The following DNAH11 variants were observed in gnomAD, a reference collection of about 807,000 sequenced individuals.
DNAH11 encodes dynein axonemal heavy chain 11, also known as axonemal beta dynein heavy chain 11.
Under a neutral mutation model 526.0 loss-of-function variants are expected in DNAH11, and 442 were observed. The observed-to-expected ratio is 0.84, with a 90% CI of 0.78 to 0.91. The LOEUF is 0.91. Among genes scored for constraint, DNAH11 ranks in the 40% least tolerant of loss-of-function variants. The probability of loss-of-function intolerance (pLI) is 0.00; values close to 1 mark genes in which losing one functional copy is unlikely to be tolerated. For missense variants in DNAH11, 6,989 were observed against 5,448.7 expected (o/e 1.28, Z -8.90); for synonymous variants, 2,461 against 1,935.9 (o/e 1.27, Z -7.12).
Position 21,787,459 on chromosome 7 carries a change from G to A in DNAH11, c.9800G>A (p.Cys3267Tyr), listed in dbSNP as rs750000994. 2 of 1,613,704 alleles carry A rather than the reference G, an allele frequency of 1.2e-6. No homozygotes were observed. The highest frequency in any genetic ancestry group is 2.2e-5 in the East Asian group (1 of 44,846). The stretch of plus-strand genomic sequence containing the variant: ...GACAAAGAGCACATTCCAGAGAACT[G>A]TCTAAAAGTGGTGAATGAACACTAT... ...NYDKEHIPENCLKVVNEHYLK... is the reference protein window; with the variant it reads ...NYDKEHIPENYLKVVNEHYLK... Residue 3267 changes from cysteine to tyrosine, a missense_variant, in exon 60 of 82, where the codon TGT becomes TAT. Physicochemically the swap from Cys to Tyr is radical, Grantham distance 194. Transcript: ENST00000409508.
intron 62 of DNAH11, among the ~76,000 whole-genome samples, chr7:21,806,523 A>G (rs1275078026): frequency 1.3e-5 from 2 of 152,238 alleles, no homozygotes; most frequent in South Asian, 2.1e-4. Context: ...TAATTTCATG[A>G]CCTCCGACCT....
At chr7:21,797,034 T>A (rs1307186237) in intron 61 of DNAH11, among the ~76,000 whole-genome samples, 1 of 151,888 alleles carries the variant, frequency 6.6e-6, no homozygotes, top group Non-Finnish European at 1.5e-5. Flanking sequence ...TTAAAATAGA[T>A]GAAGGAGAGA....
At chr7:21,612,554 C>CAAAAAA (rs34356379) in intron 20 of DNAH11, among the ~76,000 whole-genome samples, 1,348 of 81,102 alleles carry the variant, frequency 0.017, 46 homozygotes, top group Non-Finnish European at 0.025. Flanking sequence ...GGCTCCGTCT[C>CAAAAAA]AAAAAAAAAA....
chr7:21,878,939 T>C (rs115916552), intron 74 of DNAH11, among the ~76,000 whole-genome samples: 205 of 152,374 alleles, frequency 1.3e-3, no homozygotes, highest in African/African-American at 4.7e-3. Context: ...GGGCAGATTT[T>C]GGCCTCTTCC....
At chr7:21,692,265 G>T (rs923476746) in intron 35 of DNAH11, among the ~76,000 whole-genome samples, 1 of 152,186 alleles carries the variant, frequency 6.6e-6, no homozygotes, top group Non-Finnish European at 1.5e-5. Flanking sequence ...CAAGTGTACA[G>T]TTGGTGAAAG....
At chr7:21,638,250 C>T (rs73682658) in intron 27 of DNAH11, among the ~76,000 whole-genome samples, 4,939 of 152,128 alleles carry the variant, frequency 0.032, 267 homozygotes, top group African/African-American at 0.11. Context: ...TGTGGAAGTG[C>T]GATCCTTTTT....
Position 21,637,614 on chromosome 7 carries a change from T to C in DNAH11, c.4729T>C (p.Leu1577=). The change falls in exon 27 of 82, where the codon TTA becomes CTA. Residue 1577 remains leucine (L), a synonymous_variant. Transcript: ENST00000409508. ...CCCGTATTGTACTTTCATGCAGGAGTTAATGTTCAAGACAGCCAAAGTAGA... is the reference window on the plus strand; with the variant it reads ...CCCGTATTGTACTTTCATGCAGGAGCTAATGTTCAAGACAGCCAAAGTAGA... ...FDGVDAEFKE[L]MFKTAKVENV... 6.3e-7 allele frequency: 1 copy of C among 1,578,472 alleles called. No individual in the cohort carries two copies. Among genetic ancestry groups the C allele is most frequent in the Non-Finnish European group, 8.6e-7 (1 of 1,159,480 alleles).
intron 30 of DNAH11, among the ~76,000 whole-genome samples, chr7:21,675,468 T>A (rs1010309980): frequency 6.6e-6 from 1 of 152,238 alleles, no homozygotes; most frequent in Non-Finnish European, 1.5e-5. Context: ...CTAATCCCTA[T>A]ATCAGGCAAG....
At chr7:21,674,799 A>G (rs1397391194) in intron 30 of DNAH11, among the ~76,000 whole-genome samples, 1 of 152,058 alleles carries the variant, frequency 6.6e-6, no homozygotes, top group Non-Finnish European at 1.5e-5. Flanking sequence ...CACCCAATCT[A>G]AAAGATCCAG....
In DNAH11 at chr7:21,818,478, G is replaced by C. The variant is rs183834750; in HGVS notation, c.10691+139G>C. On this transcript the variant is annotated intron_variant, in intron 65 of 81. Transcript: ENST00000409508. ...TCCATTTCATGCACCTACACTCCAA[G>C]ACCAAAGCAACTGCAACATTATCCA... 9.2e-4 allele frequency: 772 copies of C among 840,912 alleles called. 1 individual carries two copies. In the Middle Eastern group the frequency reaches 0.011, roughly 11 times the overall value. The allele number at this position is 840,912 out of a possible 1,614,324, so 52.1% of individuals were successfully genotyped here.
Position 21,616,028 on chromosome 7 carries a change from G to A in DNAH11, c.4012-181G>A, listed in dbSNP as rs553253246. On this transcript the variant is annotated intron_variant, in intron 21 of 81. Coordinates refer to ENST00000409508, the MANE Select transcript of DNAH11 (RefSeq NM_001277115.2). Reference sequence around the variant, plus strand: ...ATAATGTTTTAGCCTTTAGCTTGACGTGTTCTGACAACTTTTTTGTTTTGG... The same window carrying A: ...ATAATGTTTTAGCCTTTAGCTTGACATGTTCTGACAACTTTTTTGTTTTGG... Among the ~76,000 whole-genome samples the A allele has an allele frequency of 4.6e-5, 7 of 152,268 alleles. No homozygotes were observed. In the East Asian group the frequency reaches 1.2e-3, roughly 25 times the overall value.
At chr7:21,805,859 A>G (rs942950932) in intron 62 of DNAH11, among the ~76,000 whole-genome samples, 2 of 152,228 alleles carry the variant, frequency 1.3e-5, no homozygotes, top group African/African-American at 4.8e-5. Flanking sequence ...ATTCTTTCTG[A>G]CTAGAACAGG....
intron 14 of DNAH11, among the ~76,000 whole-genome samples, chr7:21,595,621 G>A (rs1784833330): frequency 6.6e-6 from 1 of 152,166 alleles, no homozygotes; most frequent in Admixed American, 6.5e-5. Context: ...GACTTAGCAG[G>A]GAAGGTCAAG....
At chr7:21,864,444 C>A in intron 69 of DNAH11, 91 bp from the exon 70 acceptor site, 1 of 1,329,154 alleles carries the variant, frequency 7.5e-7, no homozygotes, top group Non-Finnish European at 1.0e-6. Context: ...GTTCTGCCTA[C>A]TCAGTCATGT....
chr7:21,881,116 G>C (rs185962974), intron 75 of DNAH11, among the ~76,000 whole-genome samples: 1 of 151,550 alleles, frequency 6.6e-6, no homozygotes, highest in African/African-American at 2.4e-5. Context: ...TACATCAGCA[G>C]CTTAGTGTAA....
intron 80 of DNAH11, among the ~76,000 whole-genome samples, 191 bp from the exon 81 acceptor site, chr7:21,899,789 T>C (rs1226390798): frequency 6.6e-6 from 1 of 152,188 alleles, no homozygotes; most frequent in East Asian, 1.9e-4. Flanking sequence ...CCAATAAAAC[T>C]ATCTACAGAA....
chr7:21,697,157 A>G (rs1783892301), intron 35 of DNAH11, among the ~76,000 whole-genome samples: 1 of 152,180 alleles, frequency 6.6e-6, no homozygotes, highest in Non-Finnish European at 1.5e-5. Flanking sequence ...TGTATACTTT[A>G]AGAAGTCTAA....
intron 2 of DNAH11, among the ~76,000 whole-genome samples, chr7:21,551,364 A>T (rs144569398): frequency 0.01 from 1,545 of 152,270 alleles, 19 homozygotes; most frequent in Middle Eastern, 0.014. Flanking sequence ...TACATGAGCT[A>T]TGGTTACCTC....
rs1238780598 is a variant in DNAH11 at position 21,570,093 on chromosome 7, G to A, written c.1219G>A (p.Asp407Asn). Reference protein sequence around the residue: ...NQATAYLSPEDLLRGEIEESL... With the variant: ...NQATAYLSPENLLRGEIEESL... ...GGCAACAGCTTACCTTTCACCTGAG[G>A]ACCTTTTGAGGGGAGAAATAGAAGA... Residue 407 changes from aspartate (D) to asparagine (N), a missense_variant, in exon 7 of 82, where the codon GAC becomes AAC. Transcript: ENST00000409508. 6.2e-7 allele frequency: 1 copy of A among 1,610,396 alleles called. No homozygotes were observed. The highest frequency in any genetic ancestry group is 1.3e-5 in the African/African-American group (1 of 74,928).
Sources: allele counts gnomAD v4.1 joint callset (sites outside exome capture counted in the v4.1 genomes callset), GRCh38; gene constraint gnomAD v4.1.1; transcripts MANE v1.5; gene names NCBI Gene and HGNC (gene_info 2026-07-23, HGNC 2026-07-21).